Variants in CACNA2D1 observed in about 807,000 individuals in gnomAD.
The protein encoded by CACNA2D1 is voltage-dependent calcium channel subunit alpha-2/delta-1.
In CACNA2D1, 53 loss-of-function variants were observed where a neutral mutation model predicts 171.5. The observed-to-expected ratio is 0.31, with a 90% confidence interval of 0.25 to 0.39. CACNA2D1 has a LOEUF of 0.39. Among genes scored for constraint, CACNA2D1 ranks in the 10% least tolerant of loss-of-function variants. The pLI is 1.00. For missense variants in CACNA2D1, 903 were observed against 1,299.8 expected (o/e 0.69, Z 4.69); for synonymous variants, 442 against 443.1 (o/e 1.00, Z 0.03).
At chr7:82,267,129 T>C (rs937674755) in intron 3 of CACNA2D1, among the ~76,000 whole-genome samples, 2 of 152,202 alleles carry the variant, frequency 1.3e-5, no homozygotes, top group African/African-American at 2.4e-5. Context: ...TAGATTCAAA[T>C]AGATTCAAGA....
At chr7:82,270,826 A>C (rs1808528431) in intron 3 of CACNA2D1, among the ~76,000 whole-genome samples, 1 of 152,010 alleles carries the variant, frequency 6.6e-6, no homozygotes, top group Non-Finnish European at 1.5e-5. Flanking sequence ...TTTGGATTTC[A>C]CTCATTGTTT....
intron 1 of CACNA2D1, among the ~76,000 whole-genome samples, chr7:82,420,550 C>A (rs1232422272): frequency 6.6e-6 from 1 of 152,100 alleles, no homozygotes; most frequent in Non-Finnish European, 1.5e-5. Context: ...GAACCACTCT[C>A]ATTGTCAGAT....
chr7:82,377,977 T>C (rs969350640), intron 1 of CACNA2D1, among the ~76,000 whole-genome samples: 1 of 152,202 alleles, frequency 6.6e-6, no homozygotes, highest in African/African-American at 2.4e-5. Flanking sequence ...ATGGCCTGTA[T>C]GATCCTGGGC....
chr7:82,212,836 T>C (rs1800708971), intron 3 of CACNA2D1, among the ~76,000 whole-genome samples: 1 of 152,150 alleles, frequency 6.6e-6, no homozygotes, highest in Admixed American at 6.5e-5. Flanking sequence ...CTTGATAGAT[T>C]TAAGGTTTCA....
chr7:82,136,537 T>TCTTAGAAA, intron 5 of CACNA2D1, 98 bp downstream of exon 5: 1 of 827,988 alleles, frequency 1.2e-6, no homozygotes, highest in Non-Finnish European at 1.9e-6. Flanking sequence ...TCTAACATTG[T>TCTTAGAAA]CTTAAAAACT....
chr7:81,962,654 C>T (rs1374680951), intron 34 of CACNA2D1, among the ~76,000 whole-genome samples, 159 bp from the exon 35 acceptor site: 3 of 151,812 alleles, frequency 2.0e-5, no homozygotes, highest in Admixed American at 2.0e-4. Context: ...CACATTGTAA[C>T]CTTTTTGTAA....
Position 82,181,124 on chromosome 7 carries a change from G to A in CACNA2D1, c.295-10515C>T, listed in dbSNP as rs540193913. On this transcript the variant is annotated intron_variant, in intron 3 of 38. Transcript: ENST00000356860. Reference sequence around the variant, plus strand: ...AGAAGGTCATATCAAAAACGACTACGAGGGGAAGAGAAGTTTTAACCAGGC... The same window carrying A: ...AGAAGGTCATATCAAAAACGACTACAAGGGGAAGAGAAGTTTTAACCAGGC... Among the ~76,000 whole-genome samples, 100 of 132,794 alleles carry A rather than the reference G, an allele frequency of 7.5e-4. No individual in the cohort carries two copies. In the East Asian group the frequency reaches 0.01, roughly 14 times the overall value. The allele number at this position is 132,794 out of a possible 152,430, so 87.1% of individuals were successfully genotyped here.
At chr7:82,185,513 A>AGGGGGGGGGGGGGGGGG (rs1797618186) in intron 3 of CACNA2D1, among the ~76,000 whole-genome samples, 1 of 15,976 alleles carries the variant, frequency 6.3e-5, no homozygotes, top group Non-Finnish European at 1.1e-4. Context: ...GGGGAGGGGG[A>AGGGGGGGGGGGGGGGGG]GGAGGGGGAG....
intron 4 of CACNA2D1, among the ~76,000 whole-genome samples, chr7:82,159,348 G>A (rs570175898): frequency 4.9e-4 from 74 of 151,996 alleles, no homozygotes; most frequent in Non-Finnish European, 4.3e-4. Flanking sequence ...TGGAATGTTT[G>A]AAAGGAAGCA....
At chr7:82,112,211 G>A (rs764535672) in intron 6 of CACNA2D1, among the ~76,000 whole-genome samples, 17 of 152,020 alleles carry the variant, frequency 1.1e-4, no homozygotes, top group Admixed American at 2.6e-4. Flanking sequence ...TATATCTCTC[G>A]TGGATTGCAT....
intron 1 of CACNA2D1, among the ~76,000 whole-genome samples, chr7:82,416,431 T>A (rs1002004414): frequency 6.6e-6 from 1 of 152,018 alleles, no homozygotes; most frequent in Non-Finnish European, 1.5e-5. Flanking sequence ...CCAGGTGGCT[T>A]AAAACAACAT....
At chr7:82,063,194 A>C (rs2128979526) in intron 9 of CACNA2D1, among the ~76,000 whole-genome samples, 1 of 152,328 alleles carries the variant, frequency 6.6e-6, no homozygotes, top group South Asian at 2.1e-4. Context: ...TGGCTTCTAT[A>C]GATTTTGAAA....
At chr7:82,393,688 GTATT>G (rs1825450412) in intron 1 of CACNA2D1, among the ~76,000 whole-genome samples, 1 of 152,084 alleles carries the variant, frequency 6.6e-6, no homozygotes, top group South Asian at 2.1e-4. Context: ...ATGCTGCACT[GTATT>G]TATACTAAAG....
At chr7:82,159,208 C>G (rs1270752479) in intron 4 of CACNA2D1, among the ~76,000 whole-genome samples, 2 of 151,758 alleles carry the variant, frequency 1.3e-5, no homozygotes, top group Non-Finnish European at 2.9e-5. Flanking sequence ...TAACTTCTAG[C>G]TAAAAGTATG....
At chr7:81,981,765 GAGAAAAAGATGTACATGCGTGATGA>G (rs1796463804) in intron 24 of CACNA2D1, among the ~76,000 whole-genome samples, 1 of 152,026 alleles carries the variant, frequency 6.6e-6, no homozygotes, top group Non-Finnish European at 1.5e-5. Context: ...AACTGAGATG[GAGAAAAAGATGTACATGCGTGATGA>G]AGGGAGATTA....
At chr7:82,110,393 A>G (rs1788233455) in intron 6 of CACNA2D1, among the ~76,000 whole-genome samples, 1 of 152,260 alleles carries the variant, frequency 6.6e-6, no homozygotes, top group Admixed American at 6.5e-5. Context: ...TCATGTGAGG[A>G]CACACTGAGA....
At position 82,435,957 on chromosome 7, in the gene CACNA2D1, G is replaced by C. The variant is rs141140402; in HGVS notation, c.95+7408C>G. On this transcript the variant is annotated intron_variant, in intron 1 of 38. Coordinates refer to ENST00000356860, the MANE Select transcript of CACNA2D1 (RefSeq NM_000722.4). ...CAAGTCCAATGCCTAACAAAGAACAGACCACGTTTCTTTAGACCATGCCCC... is the reference window on the plus strand; with the variant it reads ...CAAGTCCAATGCCTAACAAAGAACACACCACGTTTCTTTAGACCATGCCCC... Among the ~76,000 whole-genome samples, 825 of 152,208 alleles carry C rather than the reference G, an allele frequency of 5.4e-3. 4 individuals carry two copies. Among genetic ancestry groups the C allele is most frequent in the African/African-American group, 0.019 (775 of 41,528 alleles).
chr7:82,275,066 T>G (rs964888744), intron 3 of CACNA2D1, among the ~76,000 whole-genome samples: 2 of 152,192 alleles, frequency 1.3e-5, no homozygotes, highest in African/African-American at 4.8e-5. Context: ...ATGCAAGCAC[T>G]AAGCAAATTT....
intron 3 of CACNA2D1, among the ~76,000 whole-genome samples, chr7:82,312,869 T>C (rs13237245): frequency 4.6e-5 from 7 of 152,080 alleles, no homozygotes; most frequent in African/African-American, 1.7e-4. Context: ...TCCAAGACTG[T>C]GGATTCCCAC....
Sources: allele counts gnomAD v4.1 joint callset (sites outside exome capture counted in the v4.1 genomes callset), GRCh38; gene constraint gnomAD v4.1.1; transcripts MANE v1.5; gene names NCBI Gene and HGNC (gene_info 2026-07-23, HGNC 2026-07-21).